The following SLC30A9 variants were observed in gnomAD, a reference collection of about 807,000 sequenced individuals.
SLC30A9 encodes the protein solute carrier family 30 member 9.
SLC30A9 carries 58 observed loss-of-function variants against 87.5 expected under a neutral mutation model. The ratio of observed to expected loss-of-function variants is 0.66; its 90% CI spans 0.54 to 0.82. The LOEUF (loss-of-function observed/expected upper bound fraction) is 0.82, where lower values mean the gene tolerates loss of function less well. Among genes scored for constraint, SLC30A9 ranks in the 40% least tolerant of loss-of-function variants. The pLI is 0.00. For missense variants in SLC30A9, 557 were observed against 679.1 expected, an observed-to-expected ratio of 0.82 and a Z score of 2.00; for synonymous variants, 234 against 233.0, an observed-to-expected ratio of 1.00 and a Z score of -0.04.
In SLC30A9 at chr4:42,067,247, A is replaced by G. The variant is rs1374180837; in HGVS notation, c.1252+55A>G. ...ATTTGTCCTACTTAAATAATTCTCT[A>G]ATATGTGGGAATTTTCTCTTATATC... On this transcript the variant is annotated intron_variant, in intron 14 of 17. Transcript: ENST00000264451. 50 of 1,067,280 alleles carry G rather than the reference A, an allele frequency of 4.7e-5. 1 individual carries two copies. In the East Asian group the frequency reaches 1.1e-3, roughly 24 times the overall value. 66.1% of individuals were successfully genotyped at this position (1,067,280 alleles called of 1,614,324 possible). A position where few individuals can be genotyped will look rare whatever the true frequency, so the allele number is the denominator to read the frequency against.
In SLC30A9 at chr4:41,990,655, T is replaced by C. The variant is rs147971897; in HGVS notation, c.4T>C (p.Leu2=). ...TAGGGGCCTCTGCCCCACCAGGATG[T>C]TACCCGGCTTGGCCGCCGCCGCGGC... The part of the protein sequence containing the change: M[L]PGLAAAAAHR... The change falls in exon 1 of 18, where the codon TTA becomes CTA. Residue 2 remains leucine, a synonymous_variant. Coordinates refer to ENST00000264451, the MANE Select transcript of SLC30A9 (RefSeq NM_006345.4). The C allele has an allele frequency of 4.2e-5, 67 of 1,604,210 alleles. No individual in the cohort carries two copies. The African/African-American group carries it at 7.6e-4, about 18-fold the overall frequency.
At chr4:42,053,060 G>C (rs1322270123) in intron 9 of SLC30A9, among the ~76,000 whole-genome samples, 1 of 152,122 alleles carries the variant, frequency 6.6e-6, no homozygotes, top group Non-Finnish European at 1.5e-5. Flanking sequence ...TAAAGATTTG[G>C]GCAGGTACTT....
At chr4:42,041,476 G>GGA (rs1297355843) in intron 8 of SLC30A9, among the ~76,000 whole-genome samples, 1 of 152,136 alleles carries the variant, frequency 6.6e-6, no homozygotes, top group Non-Finnish European at 1.5e-5. Flanking sequence ...GCACACACCT[G>GGA]GAATCTCAGC....
intron 16 of SLC30A9, among the ~76,000 whole-genome samples, chr4:42,077,750 T>A (rs1718611367): frequency 6.6e-6 from 1 of 152,178 alleles, no homozygotes; most frequent in Non-Finnish European, 1.5e-5. Flanking sequence ...TTTAATATGA[T>A]TTTTAATTTT....
At chr4:42,009,654 A>G (rs560488502) in intron 2 of SLC30A9, among the ~76,000 whole-genome samples, 3 of 152,358 alleles carry the variant, frequency 2.0e-5, no homozygotes, top group South Asian at 2.1e-4. Flanking sequence ...GTATTCATAC[A>G]TGTGTTTAAG....
chr4:42,014,277 T>C lies in SLC30A9; in HGVS notation c.275-3834T>C, dbSNP rs537562483. Among the ~76,000 whole-genome samples, 15 of 152,292 alleles carry C rather than the reference T, an allele frequency of 9.8e-5. No homozygotes were observed. The South Asian group carries it at 3.1e-3, about 32-fold the overall frequency. ...GAGAAAAGGGAACCCTTGTACATTG[T>C]TGGTGGGAATGTAAATTAGTGCAGC... On this transcript the variant is annotated intron_variant, in intron 2 of 17. Transcript: ENST00000264451.
At chr4:42,064,649 A>G (rs1718010406) in intron 11 of SLC30A9, among the ~76,000 whole-genome samples, 1 of 152,178 alleles carries the variant, frequency 6.6e-6, no homozygotes, top group Non-Finnish European at 1.5e-5. Flanking sequence ...CACTCTCTGT[A>G]GTTAGAGATT....
At chr4:42,013,958 C>T (rs553334970) in intron 2 of SLC30A9, among the ~76,000 whole-genome samples, 1 of 152,138 alleles carries the variant, frequency 6.6e-6, no homozygotes, top group South Asian at 2.1e-4. Flanking sequence ...AAGAGACAAC[C>T]CATAAAATGG....
chr4:42,045,955 TTAAA>T (rs1261513041), intron 8 of SLC30A9, among the ~76,000 whole-genome samples: 1 of 152,112 alleles, frequency 6.6e-6, no homozygotes, highest in South Asian at 2.1e-4. Context: ...ATGTAATCCA[TTAAA>T]TAAACAGAAC....
chr4:42,001,905 G>T, intron 2 of SLC30A9, 125 bp downstream of exon 2: 22 of 586,034 alleles, frequency 3.8e-5, no homozygotes, highest in South Asian at 1.5e-4. Context: ...TTTCTTTGTG[G>T]GAACTATTAA....
At chr4:42,065,253 G>T in intron 11 of SLC30A9, 57 bp from the exon 12 acceptor site, 1 of 896,546 alleles carries the variant, frequency 1.1e-6, no homozygotes, top group South Asian at 1.3e-5. Flanking sequence ...CTTTATATAT[G>T]AACAATTGTG....
chr4:42,085,891 T>TA (rs1476534721), intron 17 of SLC30A9, among the ~76,000 whole-genome samples, 191 bp from the exon 18 acceptor site: 2 of 151,810 alleles, frequency 1.3e-5, no homozygotes, highest in Non-Finnish European at 2.9e-5. Context: ...TGATACTACT[T>TA]ATTGTACTGT....
rs1317613835 is a variant in SLC30A9 at position 42,087,781 on chromosome 4, TA to T, written c.*1656del. ...AACTTTTTTTTTACCTGTTATGATT[TA>T]TTCTATACTTTTTTCTTCTTCCTTC... On this transcript the variant is annotated 3_prime_UTR_variant, in exon 18 of 18. Transcript: ENST00000264451. 1 of 151,920 alleles carries T rather than the reference TA, an allele frequency of 6.6e-6. No homozygotes were observed. Among genetic ancestry groups the T allele is most frequent in the African/African-American group, 2.4e-5 (1 of 41,408 alleles). The allele number at this position is 151,920 out of a possible 1,614,324, so 9.4% of individuals were successfully genotyped here.
chr4:42,015,359 A>G (rs1414145494), intron 2 of SLC30A9, among the ~76,000 whole-genome samples: 1 of 152,158 alleles, frequency 6.6e-6, no homozygotes, highest in African/African-American at 2.4e-5. Context: ...AATCTAAGAG[A>G]TGGAGACGGC....
intron 9 of SLC30A9, among the ~76,000 whole-genome samples, chr4:42,050,193 TGTCTC>T (rs1376581941): frequency 2.6e-5 from 4 of 152,112 alleles, no homozygotes; most frequent in Non-Finnish European, 4.4e-5. Context: ...CCTGTGAACT[TGTCTC>T]ACTCACTGTC....
intron 14 of SLC30A9, among the ~76,000 whole-genome samples, chr4:42,070,032 C>T (rs1718244805): frequency 6.6e-6 from 1 of 152,120 alleles, no homozygotes; most frequent in African/African-American, 2.4e-5. Flanking sequence ...ATGATACTAG[C>T]TATATATCAT....
intron 2 of SLC30A9, among the ~76,000 whole-genome samples, chr4:42,008,912 G>A (rs1175838294): frequency 6.6e-6 from 1 of 152,158 alleles, no homozygotes; most frequent in African/African-American, 2.4e-5. Context: ...AACTGCTGGG[G>A]TAAATATTGA....
chr4:42,023,425 A>C, intron 6 of SLC30A9, 41 bp downstream of exon 6: 2 of 1,288,100 alleles, frequency 1.6e-6, no homozygotes, highest in South Asian at 2.4e-5. Context: ...TTGAAAAATA[A>C]CTTGTAGATG....
chr4:42,075,732 G>T lies in SLC30A9; in HGVS notation c.1494G>T (p.Gly498=). 1 of 1,612,800 alleles carries T rather than the reference G, an allele frequency of 6.2e-7. No homozygotes were observed. The highest frequency in any genetic ancestry group is 1.3e-5 in the African/African-American group (1 of 74,994). The part of the protein sequence containing the change: ...VRFKAEVDFD[G]RVVTRSYLEK... Reference sequence around the variant, plus strand: ...TTAAGGCAGAAGTAGATTTTGATGGGCGAGTTGTTACAAGATCATATTTGG... The same window carrying T: ...TTAAGGCAGAAGTAGATTTTGATGGTCGAGTTGTTACAAGATCATATTTGG... The change falls in exon 16 of 18, where the codon GGG becomes GGT. Residue 498 remains glycine, a synonymous_variant. Coordinates refer to ENST00000264451, the MANE Select transcript of SLC30A9 (RefSeq NM_006345.4).
Sources: allele counts gnomAD v4.1 joint callset (sites outside exome capture counted in the v4.1 genomes callset), GRCh38; gene constraint gnomAD v4.1.1; transcripts MANE v1.5; gene names NCBI Gene and HGNC (gene_info 2026-07-23, HGNC 2026-07-21).